Variants in CCDC62 observed in about 807,000 individuals in gnomAD.
The protein encoded by CCDC62 is coiled-coil domain containing 62.
CCDC62 carries 72 observed loss-of-function variants against 80.8 expected under a neutral mutation model. The ratio of observed to expected loss-of-function variants is 0.89; its 90% CI spans 0.74 to 1.08. CCDC62 has a LOEUF of 1.08. Ranked by LOEUF, CCDC62 falls within the 50% of genes least tolerant of loss-of-function variation. The probability of loss-of-function intolerance (pLI) is 0.00; values close to 1 mark genes in which losing one functional copy is unlikely to be tolerated. For missense variants in CCDC62, 704 were observed against 809.4 expected (o/e 0.87, Z 1.58); for synonymous variants, 286 against 296.5 (o/e 0.96, Z 0.36).
rs758184699 is a variant in CCDC62 at position 122,777,555 on chromosome 12, T to C, written c.101T>C (p.Ile34Thr). 1.5e-5 allele frequency: 25 copies of C among 1,614,030 alleles called. No homozygotes were observed. The highest frequency in any genetic ancestry group is 1.3e-5 in the African/African-American group (1 of 74,928). Residue 34 changes from isoleucine to threonine, a missense_variant, in exon 2 of 13, where the codon ATT becomes ACT. Transcript: ENST00000253079. ...EKQRKELQLL[I>T]GELKDRDKEL... ...CAACGGAAGGAGCTGCAGTTGCTCA[T>C]TGGAGAATTAAAAGATCGAGATAAA...
Position 122,788,900 on chromosome 12 carries a change from C to A in CCDC62, c.641C>A (p.Ala214Glu). ...CAAGATTATAAGCAGAAATTGAAGG[C>A]ACTTAAGATTGAAGTCAACAAACTA... The part of the protein sequence containing the change: ...EKQDYKQKLK[A>E]LKIEVNKLKE... The change falls in exon 5 of 13, where the codon GCA becomes GAA. Residue 214 changes from alanine to glutamate, a missense_variant. By Grantham distance (107) the Ala-to-Glu change is moderately radical. Coordinates refer to ENST00000253079, the MANE Select transcript of CCDC62 (RefSeq NM_201435.5). 6.2e-7 allele frequency: 1 copy of A among 1,601,702 alleles called. No homozygotes were observed. Among genetic ancestry groups the A allele is most frequent in the Non-Finnish European group, 8.5e-7 (1 of 1,176,994 alleles).
rs369237267 is a variant in CCDC62, at chr12:122,826,261, C to G, written c.*41-161C>G. ...CCATCCCTCCTCCTCTCCCCTCCCT[C>G]TCTCCGCTGAGTTTTCATATTTATA... On this transcript the variant is annotated intron_variant, in intron 12 of 12. Transcript: ENST00000253079. Among the ~76,000 whole-genome samples the G allele has an allele frequency of 3.9e-5, 6 of 151,940 alleles. No individual in the cohort carries two copies. The East Asian group carries it at 1.2e-3, about 29-fold the overall frequency.
At chr12:122,780,772 A>G (rs1879807723) in intron 2 of CCDC62, among the ~76,000 whole-genome samples, 1 of 152,202 alleles carries the variant, frequency 6.6e-6, no homozygotes, top group Non-Finnish European at 1.5e-5. Flanking sequence ...TCTCAGAATC[A>G]TTATCTTAAG....
At chr12:122,824,620 A>G (rs1397512145) in intron 12 of CCDC62, among the ~76,000 whole-genome samples, 1 of 139,280 alleles carries the variant, frequency 7.2e-6, no homozygotes, top group Admixed American at 7.0e-5. Context: ...TCCATAAAGA[A>G]CTAAAAGTAG....
Position 122,827,109 on chromosome 12 carries a change from A to G in CCDC62, c.*728A>G, listed in dbSNP as rs2032664437. ...CTAAAACACTTCCATTTTAACTTGT[A>G]AAGTAATTTAATTTTTTAAAGATTA... On this transcript the variant is annotated 3_prime_UTR_variant, in exon 13 of 13. Transcript: ENST00000253079. The G allele has an allele frequency of 1.3e-5, 2 of 152,204 alleles. No individual in the cohort carries two copies. The highest frequency in any genetic ancestry group is 2.9e-5 in the Non-Finnish European group (2 of 68,048). 9.4% of individuals were successfully genotyped at this position (152,204 alleles called of 1,614,324 possible). A position where few individuals can be genotyped will look rare whatever the true frequency, so the allele number is the denominator to read the frequency against.
chr12:122,813,247 A>C, intron 10 of CCDC62, 23 bp from the exon 11 acceptor site: 2 of 1,584,258 alleles, frequency 1.3e-6, no homozygotes, highest in South Asian at 2.3e-5. Context: ...AAGCATTTAA[A>C]GGTGCCTCTT....
Position 122,801,287 on chromosome 12 carries a change from C to T in CCDC62, c.1141C>T (p.Gln381Ter). The T allele has an allele frequency of 1.9e-6, 3 of 1,614,122 alleles. No individual in the cohort carries two copies. Among genetic ancestry groups the T allele is most frequent in the East Asian group, 2.2e-5 (1 of 44,888 alleles). The stretch of plus-strand genomic sequence containing the variant: ...TTGCGATGAATGCAAAGAGAAGAAA[C>T]AACAGATCGATACTGTGTTTGGGGA... ...SSCDECKEKK[Q>*]QIDTVFGEKS... The change falls in exon 9 of 13, where the codon CAA becomes TAA. Residue 381 changes from glutamine to a stop codon, truncating the protein, a stop_gained. Transcript: ENST00000253079. LOFTEE classifies it high-confidence loss of function.
At chr12:122,797,450 C>T (rs998324132) in intron 7 of CCDC62, 55 bp downstream of exon 7, 4 of 987,204 alleles carry the variant, frequency 4.1e-6, no homozygotes, top group African/African-American at 1.6e-5. Context: ...AAACAAATAG[C>T]AAATTAGGAA....
intron 5 of CCDC62, 125 bp downstream of exon 5, chr12:122,789,054 T>C: frequency 1.5e-6 from 1 of 684,122 alleles, no homozygotes; most frequent in South Asian, 2.4e-5. Flanking sequence ...TAACGTGAAA[T>C]ATCCATTTCA....
At chr12:122,788,059 C>A (rs1320316224) in intron 4 of CCDC62, among the ~76,000 whole-genome samples, 1 of 152,158 alleles carries the variant, frequency 6.6e-6, no homozygotes, top group African/African-American at 2.4e-5. Flanking sequence ...TGTGATTTTT[C>A]AGGAGTGCAT....
Position 122,826,733 on chromosome 12 carries a change from G to C in CCDC62, c.*352G>C. 3.4e-6 allele frequency: 1 copy of C among 293,006 alleles called. No homozygotes were observed. The highest frequency in any genetic ancestry group is 5.1e-5 in the East Asian group (1 of 19,656). The allele number at this position is 293,006 out of a possible 1,614,324, so 18.2% of individuals were successfully genotyped here. On this transcript the variant is annotated 3_prime_UTR_variant, in exon 13 of 13. Coordinates refer to ENST00000253079, the MANE Select transcript of CCDC62 (RefSeq NM_201435.5). Reference sequence around the variant, plus strand: ...AATGCTAGAGAAGCTCTTTAAAAATGTGAATGTCAAATAGAGAAAGAACCC... The same window carrying C: ...AATGCTAGAGAAGCTCTTTAAAAATCTGAATGTCAAATAGAGAAAGAACCC...
intron 1 of CCDC62, chr12:122,776,735 T>C (rs562783920): frequency 1.6e-4 from 24 of 152,352 alleles, no homozygotes; most frequent in African/African-American, 5.8e-4. Context: ...TTTCTTTTTA[T>C]AGACTAAAAT....
At chr12:122,806,357 G>T in intron 10 of CCDC62, 62 bp downstream of exon 10, 1 of 1,374,640 alleles carries the variant, frequency 7.3e-7, no homozygotes, top group South Asian at 1.7e-5. Context: ...AGCTTTTAAT[G>T]CTTCTCTAGC....
At chr12:122,775,562 T>C (rs1363842434) in intron 1 of CCDC62, among the ~76,000 whole-genome samples, 1 of 152,204 alleles carries the variant, frequency 6.6e-6, no homozygotes, top group Non-Finnish European at 1.5e-5. Flanking sequence ...ATCCCTTGAC[T>C]CCAAATTCCA....
intron 3 of CCDC62, 119 bp from the exon 4 acceptor site, chr12:122,785,600 T>C: frequency 2.8e-6 from 2 of 710,604 alleles, no homozygotes; most frequent in Non-Finnish European, 5.0e-6. Context: ...TCTTTTTTGT[T>C]ACTAACGAGT....
At chr12:122,826,341 G>T in intron 12 of CCDC62, 81 bp from the exon 13 acceptor site, 1 of 628,646 alleles carries the variant, frequency 1.6e-6, no homozygotes, top group South Asian at 1.5e-5. Context: ...TAATATTTTA[G>T]ACGCCAGGAG....
intron 4 of CCDC62, among the ~76,000 whole-genome samples, chr12:122,787,001 C>T (rs2030287177): frequency 6.6e-6 from 1 of 152,168 alleles, no homozygotes; most frequent in Non-Finnish European, 1.5e-5. Flanking sequence ...TTAAAATCTA[C>T]AGTCATGTCT....
chr12:122,790,017 T>C (rs1057409917), intron 5 of CCDC62, among the ~76,000 whole-genome samples: 1 of 152,194 alleles, frequency 6.6e-6, no homozygotes, highest in Non-Finnish European at 1.5e-5. Flanking sequence ...TCTGTCAATA[T>C]TTATATACTA....
At chr12:122,780,623 A>AT (rs1327231177) in intron 2 of CCDC62, among the ~76,000 whole-genome samples, 1 of 126,478 alleles carries the variant, frequency 7.9e-6, no homozygotes, top group Non-Finnish European at 1.6e-5. Flanking sequence ...CAAAAATAAA[A>AT]TAAAATAAAA....
Sources: allele counts gnomAD v4.1 joint callset (sites outside exome capture counted in the v4.1 genomes callset), GRCh38; gene constraint gnomAD v4.1.1; transcripts MANE v1.5; gene names NCBI Gene and HGNC (gene_info 2026-07-23, HGNC 2026-07-21).